The following RTP2 variants were observed in gnomAD, a reference collection of about 807,000 sequenced individuals.
RTP2 encodes the protein receptor transporter protein 2, also known as receptor-transporting protein 2.
A neutral mutation model predicts 17.9 loss-of-function variants in RTP2; 12 were observed. That is an observed-to-expected ratio of 0.67 (90% CI 0.43 to 1.09). The LOEUF is 1.09. Ranked by LOEUF, RTP2 falls within the 50% of genes least tolerant of loss-of-function variation. The pLI, the probability that RTP2 is intolerant of heterozygous loss-of-function variation, is 0.00. For synonymous variants in RTP2, 126 were observed against 117.7 expected (o/e 1.07, Z -0.46); for missense variants, 327 against 295.7 (o/e 1.11, Z -0.78).
chr3:187,701,140 C>A (rs940495715), intron 1 of RTP2, among the ~76,000 whole-genome samples: 2 of 152,192 alleles, frequency 1.3e-5, no homozygotes, highest in Admixed American at 1.3e-4. Flanking sequence ...TGCACAGACA[C>A]TACAGATGGA....
chr3:187,714,550 T>C, the RTP2 span, among the ~76,000 whole-genome samples: 2 of 152,224 alleles, frequency 1.3e-5, no homozygotes, highest in African/African-American at 4.8e-5. Flanking sequence ...CCAGAAAAAG[T>C]GGCACCTACA....
At chr3:187,706,104 A>G (rs1579786882), upstream of RTP2, among the ~76,000 whole-genome samples, 3 of 152,198 alleles carry the variant, frequency 2.0e-5, no homozygotes, top group Non-Finnish European at 2.9e-5. Context: ...ACTTCAATTT[A>G]TTTCCCCAGT....
At chr3:187,714,394 TG>T in the RTP2 span, among the ~76,000 whole-genome samples, 3 of 152,208 alleles carry the variant, frequency 2.0e-5, no homozygotes, top group African/African-American at 7.2e-5. Flanking sequence ...AAGAAAGATT[TG>T]GGGGCCAGAG....
At chr3:187,712,975 A>T in the RTP2 span, among the ~76,000 whole-genome samples, 1 of 152,328 alleles carries the variant, frequency 6.6e-6, no homozygotes, top group South Asian at 2.1e-4. Flanking sequence ...ATCAAGGCGA[A>T]AGCTGTTTGC....
chr3:187,712,392 A>C, the RTP2 span, among the ~76,000 whole-genome samples: 1 of 152,202 alleles, frequency 6.6e-6, no homozygotes, highest in African/African-American at 2.4e-5. Flanking sequence ...GTTATTTATT[A>C]TGTTTTGTCA....
chr3:187,715,354 T>C, the RTP2 span, among the ~76,000 whole-genome samples: 2,624 of 152,326 alleles, frequency 0.017, 71 homozygotes, highest in African/African-American at 0.059. Flanking sequence ...TCCTTTATTC[T>C]ATCAAGCTGA....
chr3:187,705,044 G>T (rs571358156), upstream of RTP2, among the ~76,000 whole-genome samples: 12 of 152,152 alleles, frequency 7.9e-5, no homozygotes, highest in Non-Finnish European at 1.5e-4. Context: ...TGTATTAAGA[G>T]TGACTATATC....
exon 2 of RTP2, chr3:187,698,568 A>G: frequency 6.2e-7 from 1 of 1,614,216 alleles, no homozygotes; most frequent in Non-Finnish European, 8.5e-7. Flanking sequence ...GGCCCAGAAG[A>G]GGCACCAGCG....
At position 187,698,925 on chromosome 3, in the gene RTP2, G is replaced by T. The variant is rs143671992; in HGVS notation, c.251C>A (p.Ala84Glu). The T allele has an allele frequency of 4.5e-4, 724 of 1,609,974 alleles. No individual in the cohort carries two copies. The highest frequency in any genetic ancestry group is 1.5e-3 in the Middle Eastern group (9 of 6,048). ...GAAGACGCGCATGCGCACCGAGCCC[G>T]CCCGCTGGGCGCGGTCCAGGAACAT... Residue 84 changes from alanine to glutamate, a missense_variant, in exon 2 of 2, where the codon GCG becomes GAG. By Grantham distance (107) the Ala-to-Glu change is moderately radical. Coordinates refer to ENST00000358241, the Ensembl canonical transcript of RTP2.
At chr3:187,704,725 G>A (rs914202398), upstream of RTP2, among the ~76,000 whole-genome samples, 1 of 152,146 alleles carries the variant, frequency 6.6e-6, no homozygotes, top group South Asian at 2.1e-4. Flanking sequence ...ATCCCCTGGG[G>A]AGTATTTTCA....
upstream of RTP2, among the ~76,000 whole-genome samples, chr3:187,706,649 T>C (rs941076364): frequency 1.3e-5 from 2 of 152,152 alleles, no homozygotes; most frequent in Admixed American, 6.5e-5. Flanking sequence ...GTCAAGCAAG[T>C]TGGAGTGCAA....
Position 187,702,239 on chromosome 3 carries a change from G to T in RTP2, c.-111C>A, listed in dbSNP as rs1717872072. 3 of 1,117,202 alleles carry T rather than the reference G, an allele frequency of 2.7e-6. 1 individual carries two copies. The highest frequency in any genetic ancestry group is 2.6e-6 in the Non-Finnish European group (2 of 769,564). 69.2% of individuals were successfully genotyped at this position (1,117,202 alleles called of 1,614,324 possible). A position where few individuals can be genotyped will look rare whatever the true frequency, so the allele number is the denominator to read the frequency against. On this transcript the variant is annotated 5_prime_UTR_variant, in exon 1 of 2. Coordinates refer to ENST00000358241, the Ensembl canonical transcript of RTP2. Reference sequence around the variant, plus strand: ...CTACGGTCAGAATCCTCATCGGCAGGACTGGGAGTAAACAGGACCCAGCTC... The same window carrying T: ...CTACGGTCAGAATCCTCATCGGCAGTACTGGGAGTAAACAGGACCCAGCTC...
At chr3:187,709,732 T>G in the RTP2 span, among the ~76,000 whole-genome samples, 20 of 143,656 alleles carry the variant, frequency 1.4e-4, no homozygotes, top group Non-Finnish European at 2.3e-4. Flanking sequence ...AATGTTTATC[T>G]AAAGAGGGAG....
At chr3:187,704,781 C>T (rs181309865), upstream of RTP2, among the ~76,000 whole-genome samples, 58 of 152,256 alleles carry the variant, frequency 3.8e-4, no homozygotes, top group African/African-American at 1.4e-3. Flanking sequence ...TAGCACTTAG[C>T]GACAGCATGG....
exon 2 of RTP2, chr3:187,698,689 C>A (rs780808305): frequency 5.6e-6 from 9 of 1,613,964 alleles, no homozygotes; most frequent in Non-Finnish European, 7.6e-6. Context: ...TTCCAGTGAA[C>A]GATGCCCTCC....
the RTP2 span, among the ~76,000 whole-genome samples, chr3:187,711,502 T>C: frequency 6.6e-6 from 1 of 152,232 alleles, no homozygotes; most frequent in Non-Finnish European, 1.5e-5. Flanking sequence ...TTTTTATTGT[T>C]GATTTCTAAC....
exon 2 of RTP2, chr3:187,698,759 G>A: frequency 6.2e-7 from 1 of 1,614,034 alleles, no homozygotes. Flanking sequence ...TGGCCACGTG[G>A]ATGCGGTACT....
the RTP2 span, among the ~76,000 whole-genome samples, chr3:187,714,877 G>T: frequency 6.6e-6 from 1 of 152,006 alleles, no homozygotes; most frequent in Non-Finnish European, 1.5e-5. Flanking sequence ...TGAAGAATAG[G>T]GTGCACCAGG....
chr3:187,702,299 A>G, exon 1 of RTP2: 1 of 661,534 alleles, frequency 1.5e-6, no homozygotes, highest in South Asian at 1.9e-5. Context: ...TTACCATGGT[A>G]GCCAGGCAGG....
Sources: gnomAD v4.1 joint callset for allele counts (sites outside exome capture counted in the v4.1 genomes callset) on GRCh38, gnomAD v4.1.1 for gene constraint, MANE v1.5 for transcripts, NCBI Gene and HGNC (gene_info 2026-07-23, HGNC 2026-07-21) for gene names.